The following HTR1E variants were observed in gnomAD, a reference collection of about 807,000 sequenced individuals.
The protein encoded by HTR1E is 5-hydroxytryptamine receptor 1E, also known as 5-HT-1E.
Under a neutral mutation model 3.4 loss-of-function variants are expected in HTR1E, and 3 were observed. That is an observed-to-expected ratio of 0.89 (90% CI 0.41 to 2.31). The LOEUF (loss-of-function observed/expected upper bound fraction) is 2.31, where lower values mean the gene tolerates loss of function less well. Among genes scored for constraint, HTR1E ranks in the 30% most tolerant of loss-of-function variants. HTR1E has a pLI of 0.05. For synonymous variants in HTR1E, 170 were observed against 182.8 expected, an observed-to-expected ratio of 0.93 and a Z score of 0.56; for missense variants, 392 against 467.0, an observed-to-expected ratio of 0.84 and a Z score of 1.48.
At chr6:87,007,276 C>A (rs1768126412) in intron 1 of HTR1E, among the ~76,000 whole-genome samples, 1 of 152,036 alleles carries the variant, frequency 6.6e-6, no homozygotes, top group Non-Finnish European at 1.5e-5. Flanking sequence ...AAATTTAAAA[C>A]AATGAATTCA....
chr6:86,972,479 C>T (rs1281784211), intron 1 of HTR1E, among the ~76,000 whole-genome samples: 1 of 152,012 alleles, frequency 6.6e-6, no homozygotes, highest in Non-Finnish European at 1.5e-5. Context: ...GGCAGTTTTC[C>T]AAGTTGTATG....
At position 86,989,760 on chromosome 6, in the gene HTR1E, T is replaced by C. The variant is rs1188694832; in HGVS notation, c.-185-25390T>C. Among the ~76,000 whole-genome samples the C allele has an allele frequency of 2.0e-5, 3 of 152,176 alleles. 1 individual carries two copies. Among genetic ancestry groups the C allele is most frequent in the Non-Finnish European group, 2.9e-5 (2 of 68,026 alleles). ...TTTTACAGATAGGGAAACAGAGACC[T>C]GAAGCAAGGAGTGTCTTTTTCAGAG... On this transcript the variant is annotated intron_variant, in intron 1 of 1. Transcript: ENST00000305344.
At chr6:86,959,851 G>A (rs755708040) in intron 1 of HTR1E, among the ~76,000 whole-genome samples, 24 of 152,212 alleles carry the variant, frequency 1.6e-4, no homozygotes, top group Non-Finnish European at 3.1e-4. Flanking sequence ...TCAGCCAAGC[G>A]CATATAGATA....
intron 1 of HTR1E, among the ~76,000 whole-genome samples, chr6:86,960,697 C>A (rs1767393081): frequency 6.6e-6 from 1 of 152,204 alleles, no homozygotes; most frequent in African/African-American, 2.4e-5. Flanking sequence ...TAGATTTTAA[C>A]ACCTCTCTTG....
chr6:86,948,580 T>A (rs528082088), intron 1 of HTR1E, among the ~76,000 whole-genome samples: 1 of 152,202 alleles, frequency 6.6e-6, no homozygotes, highest in South Asian at 2.1e-4. Flanking sequence ...CTGGCAGAAA[T>A]TTGCAGGCTT....
intron 1 of HTR1E, among the ~76,000 whole-genome samples, chr6:86,952,211 T>A (rs1342247816): frequency 6.6e-6 from 1 of 152,168 alleles, no homozygotes; most frequent in Non-Finnish European, 1.5e-5. Flanking sequence ...TGGCTAAATG[T>A]GGGTGTCCCA....
At chr6:86,976,231 G>T (rs976635206) in intron 1 of HTR1E, among the ~76,000 whole-genome samples, 1 of 152,110 alleles carries the variant, frequency 6.6e-6, no homozygotes, top group African/African-American at 2.4e-5. Context: ...GGAAAGAGGT[G>T]ATCTGGGAGA....
chr6:86,968,864 C>A (rs938329602), intron 1 of HTR1E, among the ~76,000 whole-genome samples: 1 of 151,918 alleles, frequency 6.6e-6, no homozygotes, highest in African/African-American at 2.4e-5. Context: ...TCATAAACAT[C>A]TCTATTAACA....
At chr6:87,001,420 C>A (rs565731259) in intron 1 of HTR1E, among the ~76,000 whole-genome samples, 1 of 152,146 alleles carries the variant, frequency 6.6e-6, no homozygotes, top group African/African-American at 2.4e-5. Context: ...ACAAGAAACA[C>A]ACTTTGTTAC....
intron 1 of HTR1E, among the ~76,000 whole-genome samples, chr6:86,948,881 A>G (rs1226500410): frequency 6.6e-6 from 1 of 152,160 alleles, no homozygotes; most frequent in Non-Finnish European, 1.5e-5. Context: ...GGGACCCAAC[A>G]TAAGGGGAGT....
chr6:86,965,550 A>G (rs1767461062), intron 1 of HTR1E, among the ~76,000 whole-genome samples: 1 of 152,092 alleles, frequency 6.6e-6, no homozygotes, highest in African/African-American at 2.4e-5. Flanking sequence ...AGGTGGTTCT[A>G]ATGTGCAGTC....
chr6:87,003,118 A>T (rs542243080), intron 1 of HTR1E, among the ~76,000 whole-genome samples: 89 of 152,358 alleles, frequency 5.8e-4, no homozygotes, highest in African/African-American at 2.1e-3. Context: ...AAATGATATC[A>T]AATATCTTCT....
At chr6:86,959,153 T>C (rs1425923658) in intron 1 of HTR1E, among the ~76,000 whole-genome samples, 2 of 152,114 alleles carry the variant, frequency 1.3e-5, no homozygotes, top group Non-Finnish European at 2.9e-5. Context: ...TTGGGGAAAC[T>C]CAGTCTTTTT....
At position 87,015,655 on chromosome 6, in the gene HTR1E, C is replaced by T. The variant is rs776701374; in HGVS notation, c.321C>T (p.Thr107=). The T allele has an allele frequency of 2.5e-6, 4 of 1,614,174 alleles. No individual in the cohort carries two copies. Among genetic ancestry groups the T allele is most frequent in the South Asian group, 1.1e-5 (1 of 91,074 alleles). Residue 107 remains threonine (T), a synonymous_variant, in exon 2 of 2, where the codon ACC becomes ACT. Transcript: ENST00000305344. ...TGAGTGTGGACATGACCTGCTGCAC[C>T]TGCTCCATCCTCCACCTCTGTGTCA... The part of the protein sequence containing the change: ...VWLSVDMTCC[T]CSILHLCVIA...
chr6:86,951,932 A>G (rs1244594852), intron 1 of HTR1E, among the ~76,000 whole-genome samples: 1 of 152,180 alleles, frequency 6.6e-6, no homozygotes, highest in African/African-American at 2.4e-5. Flanking sequence ...CTTGGCAAAT[A>G]TATTTTTATA....
chr6:86,993,809 T>C (rs1313504758), intron 1 of HTR1E, among the ~76,000 whole-genome samples: 1 of 151,350 alleles, frequency 6.6e-6, no homozygotes, highest in African/African-American at 2.4e-5. Flanking sequence ...AAATTTAACT[T>C]AAATGAGAAA....
rs1768301073 is a variant in HTR1E at position 87,015,262 on chromosome 6, G to A, written c.-73G>A. 13 of 1,336,432 alleles carry A rather than the reference G, an allele frequency of 9.7e-6. No homozygotes were observed. The highest frequency in any genetic ancestry group is 1.9e-4 in the Middle Eastern group (1 of 5,200). The allele number at this position is 1,336,432 out of a possible 1,614,324, so 82.8% of individuals were successfully genotyped here. ...GCCTCCTTACAAGTGAGAAACCTTC[G>A]AGGCTACATAGTTTTCAGCCAAAGG... On this transcript the variant is annotated 5_prime_UTR_variant, in exon 2 of 2. Coordinates refer to ENST00000305344, the MANE Select transcript of HTR1E (RefSeq NM_000865.3).
At chr6:86,966,673 G>A (rs1205145214) in intron 1 of HTR1E, among the ~76,000 whole-genome samples, 1 of 152,190 alleles carries the variant, frequency 6.6e-6, no homozygotes, top group Non-Finnish European at 1.5e-5. Context: ...GCTGACATGT[G>A]TTTGTTGGGG....
chr6:87,013,183 A>G (rs1379693927), intron 1 of HTR1E, among the ~76,000 whole-genome samples: 1 of 152,194 alleles, frequency 6.6e-6, no homozygotes, highest in Non-Finnish European at 1.5e-5. Flanking sequence ...CCCCAGAAGA[A>G]TAATATGCCA....
Sources: gnomAD v4.1 joint callset for allele counts (sites outside exome capture counted in the v4.1 genomes callset) on GRCh38, gnomAD v4.1.1 for gene constraint, MANE v1.5 for transcripts, NCBI Gene and HGNC (gene_info 2026-07-23, HGNC 2026-07-21) for gene names.